The following ACBD6 variants were observed in gnomAD, a reference collection of about 807,000 sequenced individuals.
ACBD6 encodes the protein acyl-CoA-binding domain-containing protein 6.
A neutral mutation model predicts 37.2 loss-of-function variants in ACBD6; 28 were observed. The observed-to-expected ratio is 0.75, with a 90% CI of 0.56 to 1.03. The LOEUF is 1.03. ACBD6 is among the 50% of genes least tolerant of loss of function. The pLI is 0.00. For missense variants in ACBD6, 340 were observed against 337.4 expected (o/e 1.01, Z -0.06); for synonymous variants, 113 against 126.8 (o/e 0.89, Z 0.73).
At chr1:180,347,139 A>G (rs1486900163) in intron 6 of ACBD6, among the ~76,000 whole-genome samples, 1 of 152,230 alleles carries the variant, frequency 6.6e-6, no homozygotes, top group East Asian at 1.9e-4. Flanking sequence ...TGTTAGTAGT[A>G]AAGAGCTGTG....
At chr1:180,358,891 A>C (rs1393203479) in intron 6 of ACBD6, among the ~76,000 whole-genome samples, 1 of 152,212 alleles carries the variant, frequency 6.6e-6, no homozygotes, top group Admixed American at 6.5e-5. Context: ...GACCTCCTCT[A>C]TGCAGTCTTC....
At chr1:180,335,521 T>C (rs1252362798) in intron 6 of ACBD6, among the ~76,000 whole-genome samples, 2 of 151,854 alleles carry the variant, frequency 1.3e-5, no homozygotes, top group African/African-American at 4.8e-5. Flanking sequence ...GCACTAAACA[T>C]GGAAAGGAAC....
At chr1:180,278,796 G>A (rs1406458494) in intron 9 of ACBD6, 1 of 145,910 alleles carries the variant, frequency 6.9e-6, no homozygotes, top group African/African-American at 2.5e-5. Context: ...TACAGTTAAA[G>A]AGAAATGAAG....
At chr1:180,376,334 A>G (rs564619281) in intron 6 of ACBD6, among the ~76,000 whole-genome samples, 1 of 152,358 alleles carries the variant, frequency 6.6e-6, no homozygotes, top group African/African-American at 2.4e-5. Flanking sequence ...ACAGGAATCT[A>G]TCCTGAAGGT....
At chr1:180,500,114 T>TA (rs779479239) in intron 1 of ACBD6, among the ~76,000 whole-genome samples, 27 of 144,828 alleles carry the variant, frequency 1.9e-4, no homozygotes, top group Non-Finnish European at 3.9e-4. Flanking sequence ...ATCCTGTCTC[T>TA]AAAAAAACTT....
intron 3 of ACBD6, among the ~76,000 whole-genome samples, chr1:180,459,751 AGTGATGCTTATACGG>A (rs1650059471): frequency 6.6e-6 from 1 of 152,212 alleles, no homozygotes; most frequent in African/African-American, 2.4e-5. Flanking sequence ...CTATTAAATG[AGTGATGCTTATACGG>A]GGAAAAGATT....
chr1:180,285,518 C>A (rs1410152250), downstream of ACBD6, among the ~76,000 whole-genome samples: 2 of 151,990 alleles, frequency 1.3e-5, no homozygotes, highest in Non-Finnish European at 2.9e-5. Flanking sequence ...GGTTACATAC[C>A]TATTCTATGA....
chr1:180,378,714 T>A (rs1254706134), intron 6 of ACBD6, among the ~76,000 whole-genome samples: 1 of 152,158 alleles, frequency 6.6e-6, no homozygotes, highest in Admixed American at 6.5e-5. Context: ...AAGTGGCACC[T>A]GAGCACTCCC....
chr1:180,450,741 C>T (rs1038032496), intron 3 of ACBD6, among the ~76,000 whole-genome samples: 1 of 151,988 alleles, frequency 6.6e-6, no homozygotes, highest in Non-Finnish European at 1.5e-5. Context: ...GCCTGGGCGA[C>T]AGTGAGACTC....
At chr1:180,340,089 T>A (rs556728370) in intron 6 of ACBD6, among the ~76,000 whole-genome samples, 1 of 152,142 alleles carries the variant, frequency 6.6e-6, no homozygotes, top group East Asian at 1.9e-4. Flanking sequence ...AGGAGGCCAG[T>A]GTGTTACTGA....
chr1:180,464,866 C>A (rs1347056360), intron 3 of ACBD6, among the ~76,000 whole-genome samples: 1 of 152,004 alleles, frequency 6.6e-6, no homozygotes, highest in Non-Finnish European at 1.5e-5. Flanking sequence ...GAATAGAGAG[C>A]CCAGAAATAA....
At chr1:180,379,828 T>C (rs1180014075) in intron 6 of ACBD6, among the ~76,000 whole-genome samples, 1 of 152,152 alleles carries the variant, frequency 6.6e-6, no homozygotes, top group African/African-American at 2.4e-5. Context: ...AACAAAAGGT[T>C]AGAAAAACTA....
At chr1:180,479,024 T>C (rs1410115004) in intron 3 of ACBD6, among the ~76,000 whole-genome samples, 1 of 152,130 alleles carries the variant, frequency 6.6e-6, no homozygotes, top group African/African-American at 2.4e-5. Context: ...TCCCAGCTAC[T>C]CAGGACGCCA....
At chr1:180,294,432 G>A (rs746961849) in intron 7 of ACBD6, among the ~76,000 whole-genome samples, 27 of 151,902 alleles carry the variant, frequency 1.8e-4, no homozygotes, top group African/African-American at 3.1e-4. Context: ...CAGCTACTCC[G>A]GAGGCTGAGG....
chr1:180,378,044 A>G (rs1377030010), intron 6 of ACBD6, among the ~76,000 whole-genome samples: 1 of 151,886 alleles, frequency 6.6e-6, no homozygotes, highest in Non-Finnish European at 1.5e-5. Context: ...TCCACCCCAT[A>G]TTTATTAACT....
intron 3 of ACBD6, among the ~76,000 whole-genome samples, chr1:180,490,629 T>A (rs1323559461): frequency 6.6e-6 from 1 of 150,692 alleles, no homozygotes; most frequent in Non-Finnish European, 1.5e-5. Context: ...AAAATAAAAA[T>A]AAAAAAATTA....
intron 6 of ACBD6, among the ~76,000 whole-genome samples, chr1:180,351,279 CG>C (rs1233075689): frequency 6.4e-5 from 5 of 77,756 alleles, no homozygotes; most frequent in South Asian, 6.5e-4. Context: ...CCAGATATTA[CG>C]TTTTTTTTTT....
At chr1:180,409,304 A>T (rs957680807) in intron 5 of ACBD6, among the ~76,000 whole-genome samples, 3 of 152,216 alleles carry the variant, frequency 2.0e-5, no homozygotes, top group Admixed American at 2.0e-4. Flanking sequence ...AAGCACAAAG[A>T]TAAAAAACTA....
At chr1:180,292,797 CCA>C (rs1294964071) in intron 7 of ACBD6, among the ~76,000 whole-genome samples, 3 of 152,088 alleles carry the variant, frequency 2.0e-5, no homozygotes, top group Non-Finnish European at 2.9e-5. Flanking sequence ...ATATCTTTGT[CCA>C]CAGTCTTAGA....
Sources: allele counts gnomAD v4.1 joint callset (sites outside exome capture counted in the v4.1 genomes callset), GRCh38; gene constraint gnomAD v4.1.1; transcripts MANE v1.5; gene names NCBI Gene and HGNC (gene_info 2026-07-23, HGNC 2026-07-21).